The following NOX3 variants were observed in gnomAD, a reference collection of about 807,000 sequenced individuals.
NOX3 encodes NADPH oxidase catalytic subunit-like 3.
A neutral mutation model predicts 76.7 loss-of-function variants in NOX3; 74 were observed. The ratio of observed to expected loss-of-function variants is 0.96; its 90% confidence interval spans 0.80 to 1.17. NOX3 has a LOEUF of 1.17. NOX3 is among the 50% of genes most tolerant of loss of function. The probability of loss-of-function intolerance (pLI) is 0.00; values close to 1 mark genes in which losing one functional copy is unlikely to be tolerated. For synonymous variants in NOX3, 263 were observed against 261.1 expected, an observed-to-expected ratio of 1.01 and a Z score of -0.07; for missense variants, 695 against 703.3, an observed-to-expected ratio of 0.99 and a Z score of 0.13.
chr6:155,440,570 G>C (rs966714926), intron 5 of NOX3, among the ~76,000 whole-genome samples: 2 of 151,836 alleles, frequency 1.3e-5, no homozygotes, highest in Non-Finnish European at 2.9e-5. Context: ...GATCCCAGGA[G>C]TGTGAGGCTG....
intron 10 of NOX3, among the ~76,000 whole-genome samples, chr6:155,416,908 G>A (rs866811576): frequency 2.0e-5 from 3 of 151,712 alleles, no homozygotes. Flanking sequence ...CTGACACCAC[G>A]CCCGGCTAAT....
chr6:155,407,309 A>G, intron 11 of NOX3, 55 bp from the exon 12 acceptor site: 1 of 1,468,620 alleles, frequency 6.8e-7, no homozygotes, highest in Non-Finnish European at 9.3e-7. Context: ...TAAGACTTCT[A>G]TAAATAAAGA....
At chr6:155,427,523 G>A (rs941246473) in intron 9 of NOX3, among the ~76,000 whole-genome samples, 1 of 152,230 alleles carries the variant, frequency 6.6e-6, no homozygotes, top group Non-Finnish European at 1.5e-5. Flanking sequence ...AGGCACTGGA[G>A]ATTCCGAGGA....
At position 155,454,894 on chromosome 6, in the gene NOX3, C is replaced by A. The variant is rs149127858; in HGVS notation, c.172G>T (p.Ala58Ser). 3.1e-6 allele frequency: 5 copies of A among 1,610,910 alleles called. No homozygotes were observed. In the African/African-American group the frequency reaches 4.0e-5, roughly 13 times the overall value. ...GSTLAWARAS[A>S]LCLNFNCMLI... ...ATGCAGTTAAAATTCAGGCACAGTG[C>A]GGATGCTCGTGCCCAAGCCAGTGTT... Residue 58 changes from alanine (A) to serine (S), a missense_variant, in exon 3 of 14, where the codon GCA (alanine) becomes TCA (serine). Physicochemically the swap from Ala to Ser is moderately conservative, Grantham distance 99 (BLOSUM62 1). Coordinates refer to ENST00000159060, the MANE Select transcript of NOX3 (RefSeq NM_015718.3).
At chr6:155,427,001 G>GTGTGTA (rs1562465144) in intron 9 of NOX3, among the ~76,000 whole-genome samples, 1 of 139,520 alleles carries the variant, frequency 7.2e-6, no homozygotes. Flanking sequence ...GTGTGTGTGT[G>GTGTGTA]TGTGTGTGTG....
At chr6:155,454,391 G>A (rs188805722) in intron 3 of NOX3, among the ~76,000 whole-genome samples, 1 of 152,200 alleles carries the variant, frequency 6.6e-6, no homozygotes. Flanking sequence ...ATTATGTTTG[G>A]TAGAGGTTAA....
At chr6:155,414,796 T>C (rs904981826) in intron 10 of NOX3, among the ~76,000 whole-genome samples, 1 of 151,806 alleles carries the variant, frequency 6.6e-6, no homozygotes, top group African/African-American at 2.4e-5. Flanking sequence ...CACGACGAAG[T>C]TTTTATTTTT....
chr6:155,429,912 G>C (rs1036411427), intron 8 of NOX3, among the ~76,000 whole-genome samples: 6 of 152,168 alleles, frequency 3.9e-5, no homozygotes, highest in Admixed American at 6.5e-5. Flanking sequence ...CTGTTAAATG[G>C]TCTCCCTCGT....
intron 5 of NOX3, among the ~76,000 whole-genome samples, chr6:155,441,999 T>C (rs1403816814): frequency 1.3e-5 from 2 of 152,192 alleles, no homozygotes; most frequent in Admixed American, 6.5e-5. Context: ...GCGCGGTGGC[T>C]CACGCCTGTA....
At chr6:155,437,697 G>T (rs1007838494) in intron 6 of NOX3, among the ~76,000 whole-genome samples, 3 of 152,186 alleles carry the variant, frequency 2.0e-5, no homozygotes, top group African/African-American at 7.2e-5. Context: ...TTCATTCTCA[G>T]GCTGTAGGCA....
chr6:155,403,915 A>AAAATAAAT (rs561681617), intron 12 of NOX3, among the ~76,000 whole-genome samples: 4 of 151,880 alleles, frequency 2.6e-5, no homozygotes, highest in African/African-American at 9.7e-5. Context: ...TTTGTGTGTA[A>AAAATAAAT]AAATAAATAA....
chr6:155,408,868 C>G (rs567837127), intron 11 of NOX3, among the ~76,000 whole-genome samples: 1 of 150,856 alleles, frequency 6.6e-6, no homozygotes, highest in South Asian at 2.1e-4. Flanking sequence ...ACGAAATACT[C>G]TATATTCTCA....
rs1372993156 is a variant in NOX3, at chr6:155,426,997, G to GTGTGTGTGTGTA, written c.1145+1796_1145+1797insTACACACACACA. Among the ~76,000 whole-genome samples the GTGTGTGTGTGTA allele has an allele frequency of 9.0e-3, 1,099 of 122,322 alleles. 63 individuals are homozygous for GTGTGTGTGTGTA. The highest frequency in any genetic ancestry group is 0.049 in the Admixed American group (616 of 12,576). 80.2% of individuals were successfully genotyped at this position (122,322 alleles called of 152,430 possible). A position where few individuals can be genotyped will look rare whatever the true frequency, so the allele number is the denominator to read the frequency against. On this transcript the variant is annotated intron_variant, in intron 9 of 13. Transcript: ENST00000159060. ...TAGACACTGTGGCGTGTGTGTGTGT[G>GTGTGTGTGTGTA]TGTGTGTGTGTGTGTGTGTGTGTGT...
chr6:155,447,921 C>T (rs892722081), intron 4 of NOX3, among the ~76,000 whole-genome samples: 37 of 152,278 alleles, frequency 2.4e-4, no homozygotes, highest in African/African-American at 8.7e-4. Flanking sequence ...TTTTCTATTC[C>T]TTCCCTTCTA....
chr6:155,445,990 T>G (rs1777060691), intron 4 of NOX3, among the ~76,000 whole-genome samples: 1 of 126,982 alleles, frequency 7.9e-6, no homozygotes, highest in African/African-American at 2.8e-5. Context: ...GCTATATATA[T>G]ATATATAATA....
At chr6:155,418,282 T>C (rs528849315) in intron 10 of NOX3, among the ~76,000 whole-genome samples, 15 of 152,302 alleles carry the variant, frequency 9.8e-5, no homozygotes, top group Middle Eastern at 3.4e-3. Flanking sequence ...TCATACCCGT[T>C]AGGCAGGAGG....
At chr6:155,407,002 C>A in intron 12 of NOX3, 128 bp downstream of exon 12, 1 of 1,027,160 alleles carries the variant, frequency 9.7e-7, no homozygotes, top group East Asian at 2.4e-5. Context: ...CATTGATCAC[C>A]TTTTCTAAGG....
chr6:155,427,498 G>A (rs1776772795), intron 9 of NOX3, among the ~76,000 whole-genome samples: 2 of 152,206 alleles, frequency 1.3e-5, no homozygotes, highest in Admixed American at 1.3e-4. Flanking sequence ...CGCACTGCAT[G>A]TCAGACACTG....
intron 12 of NOX3, among the ~76,000 whole-genome samples, chr6:155,403,915 A>AAAATAAATAAAT (rs561681617): frequency 6.6e-6 from 1 of 151,880 alleles, no homozygotes; most frequent in African/African-American, 2.4e-5. Context: ...TTTGTGTGTA[A>AAAATAAATAAAT]AAATAAATAA....
Sources: allele counts gnomAD v4.1 joint callset (sites outside exome capture counted in the v4.1 genomes callset), GRCh38; gene constraint gnomAD v4.1.1; transcripts MANE v1.5; gene names NCBI Gene and HGNC (gene_info 2026-07-23, HGNC 2026-07-21).